Variants in CPEB3 observed in about 807,000 individuals in gnomAD.
The protein encoded by CPEB3 is cytoplasmic polyadenylation element-binding protein 3.
Under a neutral mutation model 67.2 loss-of-function variants are expected in CPEB3, and 20 were observed. The ratio of observed to expected loss-of-function variants is 0.30; its 90% confidence interval spans 0.21 to 0.43. The LOEUF is 0.43. CPEB3 is among the 20% of genes least tolerant of loss of function. The pLI is 1.00. For synonymous variants in CPEB3, 376 were observed against 393.1 expected (o/e 0.96, Z 0.51); for missense variants, 746 against 968.6 (o/e 0.77, Z 3.05).
At chr10:92,148,774 A>C (rs1358398137) in intron 4 of CPEB3, among the ~76,000 whole-genome samples, 8 of 152,222 alleles carry the variant, frequency 5.3e-5, no homozygotes, top group Non-Finnish European at 7.3e-5. Flanking sequence ...AATGGCAGAG[A>C]TGTAACCATG....
At chr10:92,062,670 T>C (rs1842399442) in intron 9 of CPEB3, among the ~76,000 whole-genome samples, 1 of 152,222 alleles carries the variant, frequency 6.6e-6, no homozygotes, top group African/African-American at 2.4e-5. Flanking sequence ...TTTTAGTAGA[T>C]TATCCAAATT....
At chr10:92,198,600 C>T (rs149548880) in intron 2 of CPEB3, among the ~76,000 whole-genome samples, 10 of 152,220 alleles carry the variant, frequency 6.6e-5, no homozygotes, top group Non-Finnish European at 1.2e-4. Context: ...GGGCCAACAG[C>T]ATCTGGGGAT....
At chr10:92,098,629 C>T (rs1174279017) in intron 7 of CPEB3, among the ~76,000 whole-genome samples, 2 of 152,122 alleles carry the variant, frequency 1.3e-5, no homozygotes, top group South Asian at 2.1e-4. Context: ...CTGAAAAGTT[C>T]GCTTCTATAG....
intron 8 of CPEB3, among the ~76,000 whole-genome samples, chr10:92,085,393 C>T (rs1263663938): frequency 6.6e-6 from 1 of 152,096 alleles, no homozygotes; most frequent in African/African-American, 2.4e-5. Flanking sequence ...TCATGAACAA[C>T]TTCCATGGTA....
intron 1 of CPEB3, among the ~76,000 whole-genome samples, chr10:92,249,612 C>T (rs1852208804): frequency 1.3e-5 from 2 of 151,612 alleles, no homozygotes; most frequent in South Asian, 4.2e-4. Flanking sequence ...CACACCATTG[C>T]ACTCCAGCCT....
chr10:92,173,808 C>T (rs1353847924), intron 4 of CPEB3, among the ~76,000 whole-genome samples: 1 of 152,156 alleles, frequency 6.6e-6, no homozygotes, highest in East Asian at 1.9e-4. Context: ...AATTTGAGTA[C>T]TTGGAAGTCA....
intron 9 of CPEB3, among the ~76,000 whole-genome samples, chr10:92,066,303 G>T (rs1481460916): frequency 1.3e-5 from 2 of 152,128 alleles, no homozygotes; most frequent in Non-Finnish European, 2.9e-5. Context: ...GGTATGGTGA[G>T]GTGTGCCTGT....
intron 7 of CPEB3, among the ~76,000 whole-genome samples, chr10:92,106,144 C>T (rs755232677): frequency 6.6e-6 from 1 of 151,928 alleles, no homozygotes; most frequent in Non-Finnish European, 1.5e-5. Flanking sequence ...CCACCCAGCT[C>T]AGCCTCCCAA....
At chr10:92,192,909 C>T (rs971449118) in intron 2 of CPEB3, among the ~76,000 whole-genome samples, 8 of 152,164 alleles carry the variant, frequency 5.3e-5, no homozygotes, top group Non-Finnish European at 7.4e-5. Context: ...TGAGCTACCG[C>T]GCTGATCCTG....
At chr10:92,204,741 C>A (rs2134277020) in intron 2 of CPEB3, among the ~76,000 whole-genome samples, 1 of 151,312 alleles carries the variant, frequency 6.6e-6, no homozygotes, top group African/African-American at 2.4e-5. Flanking sequence ...TAAAAAGAGA[C>A]TTAAATTAAA....
chr10:92,164,261 G>C (rs532140888), intron 4 of CPEB3, among the ~76,000 whole-genome samples: 1 of 152,146 alleles, frequency 6.6e-6, no homozygotes, highest in African/African-American at 2.4e-5. Flanking sequence ...GCAGAGCTGG[G>C]ACTGAATCCA....
chr10:92,170,088 T>G (rs1457301765), intron 4 of CPEB3, among the ~76,000 whole-genome samples: 1 of 152,218 alleles, frequency 6.6e-6, no homozygotes. Context: ...ATAAAAATCT[T>G]GATACCTGCA....
chr10:92,092,018 A>G (rs1843639561), intron 7 of CPEB3, 74 bp from the exon 8 acceptor site: 2 of 888,566 alleles, frequency 2.3e-6, no homozygotes, highest in African/African-American at 1.7e-5. Context: ...GACTAAAGAC[A>G]AACCCACTGA....
intron 1 of CPEB3, among the ~76,000 whole-genome samples, chr10:92,270,184 A>G (rs1054990980): frequency 2.0e-5 from 3 of 152,232 alleles, no homozygotes; most frequent in African/African-American, 4.8e-5. Flanking sequence ...TTTCAAGTGA[A>G]TAAGAGAGAC....
intron 4 of CPEB3, among the ~76,000 whole-genome samples, chr10:92,172,311 A>C (rs1215899220): frequency 2.0e-5 from 3 of 152,150 alleles, no homozygotes. Context: ...CAAAAAAAAC[A>C]CAAAACTTTA....
intron 4 of CPEB3, among the ~76,000 whole-genome samples, chr10:92,166,563 GA>G (rs1308591126): frequency 6.6e-6 from 1 of 152,188 alleles, no homozygotes; most frequent in African/African-American, 2.4e-5. Flanking sequence ...GTAATATTTT[GA>G]AAGGAGTATT....
chr10:92,174,809 A>G (rs1037049726), intron 4 of CPEB3, among the ~76,000 whole-genome samples: 1 of 152,232 alleles, frequency 6.6e-6, no homozygotes, highest in African/African-American at 2.4e-5. Context: ...GAATGGCAGG[A>G]AAACTTTTAA....
intron 9 of CPEB3, among the ~76,000 whole-genome samples, chr10:92,057,183 G>A (rs1334144233): frequency 6.6e-5 from 10 of 152,172 alleles, no homozygotes; most frequent in Admixed American, 4.6e-4. Context: ...TCTAGGACTT[G>A]ACTCTTGAAT....
At chr10:92,278,600 T>C (rs1842105879) in intron 1 of CPEB3, among the ~76,000 whole-genome samples, 1 of 145,586 alleles carries the variant, frequency 6.9e-6, no homozygotes, top group African/African-American at 2.8e-5. Flanking sequence ...ATTGACTGGT[T>C]CTTTTTTTTT....
Sources: gnomAD v4.1 joint callset for allele counts (sites outside exome capture counted in the v4.1 genomes callset) on GRCh38, gnomAD v4.1.1 for gene constraint, MANE v1.5 for transcripts, NCBI Gene and HGNC (gene_info 2026-07-23, HGNC 2026-07-21) for gene names.